Variants in SDK1 observed in about 807,000 individuals in gnomAD.
The protein encoded by SDK1 is sidekick cell adhesion molecule 1.
SDK1 carries 157 observed loss-of-function variants against 245.5 expected under a neutral mutation model. The ratio of observed to expected loss-of-function variants is 0.64; its 90% confidence interval spans 0.56 to 0.73. The LOEUF (loss-of-function observed/expected upper bound fraction) is 0.73, where lower values mean the gene tolerates loss of function less well. Among genes scored for constraint, SDK1 ranks in the 30% least tolerant of loss-of-function variants. The pLI is 0.00. For missense variants in SDK1, 3,583 were observed against 3,002.3 expected (o/e 1.19, Z -4.52); for synonymous variants, 1,647 against 1,278.5 (o/e 1.29, Z -6.15).
intron 4 of SDK1, among the ~76,000 whole-genome samples, chr7:3,746,969 C>T (rs183558871): frequency 2.1e-3 from 321 of 152,238 alleles, no homozygotes; most frequent in Admixed American, 3.3e-3. Context: ...AGTCATCATC[C>T]GTGGCAGCTA....
intron 35 of SDK1, among the ~76,000 whole-genome samples, chr7:4,187,295 A>G (rs573763461): frequency 2.6e-5 from 4 of 152,294 alleles, no homozygotes; most frequent in East Asian, 3.9e-4. Context: ...GCACAAGACT[A>G]TGGGTCCAGC....
chr7:3,945,899 TAAAAAAAAAAAA>T (rs754101246), intron 5 of SDK1, among the ~76,000 whole-genome samples: 2,633 of 13,602 alleles, frequency 0.19, 73 homozygotes, highest in Middle Eastern at 0.67. Context: ...ACTCTGTCTG[TAAAAAAAAAAAA>T]AAAAAAAAAA....
chr7:3,421,160 C>T (rs553622156), intron 1 of SDK1, among the ~76,000 whole-genome samples: 53 of 150,792 alleles, frequency 3.5e-4, no homozygotes, highest in African/African-American at 1.1e-3. Flanking sequence ...CAACATTTGC[C>T]TCCTGGGTTC....
intron 17 of SDK1, among the ~76,000 whole-genome samples, chr7:4,041,428 T>A (rs1007419625): frequency 6.6e-6 from 1 of 152,160 alleles, no homozygotes; most frequent in African/African-American, 2.4e-5. Context: ...ACCTTTCTTA[T>A]GAGCAGTGAA....
chr7:4,114,084 C>T lies in SDK1; in HGVS notation c.3633C>T (p.Tyr1211=), dbSNP rs996938195. ...QYNGNPESVG[Y]RIKYWRSDLQ... ...ACGGGAACCCCGAGTCCGTGGGCTA[C>T]AGGATTAAGTACTGGCGCTCAGACC... Residue 1211 remains tyrosine (Y), a synonymous_variant, in exon 25 of 45, where the codon TAC becomes TAT. Coordinates refer to ENST00000404826, the MANE Select transcript of SDK1 (RefSeq NM_152744.4). 3.7e-6 allele frequency: 6 copies of T among 1,614,212 alleles called. No individual in the cohort carries two copies. Among genetic ancestry groups the T allele is most frequent in the Admixed American group, 3.3e-5 (2 of 60,026 alleles).
chr7:3,637,100 T>C (rs891563572), intron 2 of SDK1, among the ~76,000 whole-genome samples: 17 of 150,870 alleles, frequency 1.1e-4, no homozygotes, highest in African/African-American at 4.1e-4. Flanking sequence ...TGTGTGTGTG[T>C]GTGTGTGTGT....
chr7:3,807,197 C>T (rs1332730626), intron 4 of SDK1, among the ~76,000 whole-genome samples: 2 of 152,188 alleles, frequency 1.3e-5, no homozygotes, highest in African/African-American at 2.4e-5. Flanking sequence ...ACCCAGGGCT[C>T]ATAGCTCTGC....
chr7:4,158,027 C>T (rs1219365770), intron 30 of SDK1, among the ~76,000 whole-genome samples: 1 of 152,164 alleles, frequency 6.6e-6, no homozygotes, highest in Non-Finnish European at 1.5e-5. Context: ...CTGAGGACTT[C>T]TCTGGATCCC....
chr7:3,364,159 A>T (rs1381606996), intron 1 of SDK1, among the ~76,000 whole-genome samples: 2 of 152,146 alleles, frequency 1.3e-5, no homozygotes, highest in African/African-American at 4.8e-5. Context: ...TTGAATTTTA[A>T]GAGTTCTTTA....
At chr7:3,434,641 G>A (rs1392116476) in intron 1 of SDK1, among the ~76,000 whole-genome samples, 1 of 152,196 alleles carries the variant, frequency 6.6e-6, no homozygotes, top group Non-Finnish European at 1.5e-5. Context: ...AAGTAACCAA[G>A]CTGGGGTTTC....
chr7:3,405,169 A>T lies in SDK1; in HGVS notation c.298+103285A>T, dbSNP rs554024781. ...TTTGTAAAAAAAAACCAAAAAAAAA[A>T]ACAAAAACAAAAACAAAAAACACTT... On this transcript the variant is annotated intron_variant, in intron 1 of 44. Transcript: ENST00000404826. Among the ~76,000 whole-genome samples, 45 of 143,478 alleles carry T rather than the reference A, an allele frequency of 3.1e-4. No individual in the cohort carries two copies. In the South Asian group the frequency reaches 8.7e-3, roughly 28 times the overall value. The allele number at this position is 143,478 out of a possible 152,430, so 94.1% of individuals were successfully genotyped here.
intron 1 of SDK1, among the ~76,000 whole-genome samples, chr7:3,596,015 T>C (rs1028520219): frequency 1.3e-5 from 2 of 151,524 alleles, no homozygotes; most frequent in African/African-American, 2.4e-5. Context: ...ACATTTCAGA[T>C]AGTATTTATT....
At chr7:3,535,771 C>T (rs577927369) in intron 1 of SDK1, among the ~76,000 whole-genome samples, 2 of 152,052 alleles carry the variant, frequency 1.3e-5, no homozygotes, top group East Asian at 1.9e-4. Flanking sequence ...AAAACACCAC[C>T]CCCACTCAAA....
At chr7:3,871,059 G>A (rs77306795) in intron 5 of SDK1, among the ~76,000 whole-genome samples, 1,990 of 152,084 alleles carry the variant, frequency 0.013, 39 homozygotes, top group Non-Finnish European at 0.013. Context: ...TGTTTATTTC[G>A]GTCATCTGAT....
chr7:3,400,205 G>A (rs6966187), intron 1 of SDK1, among the ~76,000 whole-genome samples: 9,041 of 152,050 alleles, frequency 0.059, 754 homozygotes, highest in African/African-American at 0.19. Flanking sequence ...TAGGAGAGAG[G>A]GATGGAGTAG....
intron 16 of SDK1, 34 bp from the exon 17 acceptor site, chr7:4,017,137 T>C: frequency 6.4e-7 from 1 of 1,571,312 alleles, no homozygotes; most frequent in Non-Finnish European, 8.6e-7. Context: ...GTCCAGTTAT[T>C]TCCTTATCGT....
At position 4,268,981 on chromosome 7, in the gene SDK1, AC is replaced by A. The variant is rs1195742518; in HGVS notation, c.*3598del. 1 of 278,978 alleles carries A rather than the reference AC, an allele frequency of 3.6e-6. No homozygotes were observed. Among genetic ancestry groups the A allele is most frequent in the African/African-American group, 2.2e-5 (1 of 45,120 alleles). The allele number at this position is 278,978 out of a possible 1,614,324, so 17.3% of individuals were successfully genotyped here. A position where few individuals can be genotyped will look rare whatever the true frequency, so the allele number is the denominator to read the frequency against. ...GCTATGGGTACAATTTTTAATAAAA[AC>A]ATTATTTTGTTCCTTAAACGCTTGT... On this transcript the variant is annotated 3_prime_UTR_variant, in exon 45 of 45. Transcript: ENST00000404826.
chr7:3,921,951 G>C (rs1054719093), intron 5 of SDK1, among the ~76,000 whole-genome samples: 1 of 152,232 alleles, frequency 6.6e-6, no homozygotes, highest in Middle Eastern at 3.4e-3. Flanking sequence ...GGGCAACAGA[G>C]TTAGGCCCTG....
chr7:3,622,056 G>C (rs867511606), intron 2 of SDK1, among the ~76,000 whole-genome samples: 33 of 152,174 alleles, frequency 2.2e-4, no homozygotes, highest in South Asian at 1.4e-3. Context: ...CTTAATATAG[G>C]CTAGGCTAAA....
Sources: gnomAD v4.1 joint callset for allele counts (sites outside exome capture counted in the v4.1 genomes callset) on GRCh38, gnomAD v4.1.1 for gene constraint, MANE v1.5 for transcripts, NCBI Gene and HGNC (gene_info 2026-07-23, HGNC 2026-07-21) for gene names.